THSD7B: variants seen among roughly 807,000 people sequenced by gnomAD.
THSD7B encodes thrombospondin type 1 domain containing 7B.
In THSD7B, 138 loss-of-function variants were observed where a neutral mutation model predicts 213.6. The ratio of observed to expected loss-of-function variants is 0.65; its 90% CI spans 0.56 to 0.74. The LOEUF (loss-of-function observed/expected upper bound fraction) is 0.74. Among genes scored for constraint, THSD7B ranks in the 30% least tolerant of loss-of-function variants. The pLI is 0.00. For synonymous variants in THSD7B, 742 were observed against 687.0 expected (o/e 1.08, Z -1.25); for missense variants, 1,931 against 1,991.5 (o/e 0.97, Z 0.58).
intron 15 of THSD7B, among the ~76,000 whole-genome samples, chr2:137,529,163 C>T (rs1289988607): frequency 6.6e-6 from 1 of 151,992 alleles, no homozygotes; most frequent in Non-Finnish European, 1.5e-5. Context: ...ATTTGCTTTA[C>T]GTGACTGTTA....
In THSD7B at chr2:137,620,674, G is replaced by T. The variant is rs766000157; in HGVS notation, c.3747G>T (p.Gln1249His). The part of the protein sequence containing the change: ...PCLVECVVNC[Q>H]LSGWTAWTEC... ...TGGTGGAATGCGTGGTCAACTGTCAGCTCTCAGGGTGGACGGCTTGGACAG... is the reference window on the plus strand; with the variant it reads ...TGGTGGAATGCGTGGTCAACTGTCATCTCTCAGGGTGGACGGCTTGGACAG... Residue 1249 changes from glutamine to histidine, a missense_variant, in exon 20 of 28, where the codon CAG becomes CAT. By Grantham distance (24) the Gln-to-His change is conservative. Coordinates refer to ENST00000409968, the MANE Select transcript of THSD7B (RefSeq NM_001316349.2). The T allele has an allele frequency of 5.6e-6, 9 of 1,613,856 alleles. No individual in the cohort carries two copies. Among genetic ancestry groups the T allele is most frequent in the Non-Finnish European group, 7.6e-6 (9 of 1,179,852 alleles).
At chr2:137,172,671 T>TTATAGGACC (rs1453200042) in intron 7 of THSD7B, among the ~76,000 whole-genome samples, 1 of 152,142 alleles carries the variant, frequency 6.6e-6, no homozygotes, top group East Asian at 1.9e-4. Context: ...TCCTAGGAAA[T>TTATAGGACC]TATAGGACCT....
chr2:137,362,032 C>G (rs1685274807), intron 12 of THSD7B, among the ~76,000 whole-genome samples: 1 of 152,300 alleles, frequency 6.6e-6, no homozygotes, highest in Admixed American at 6.5e-5. Flanking sequence ...AACAGGGGAT[C>G]TCTCGGTAGA....
chr2:136,937,166 T>A (rs1684749042), intron 2 of THSD7B, among the ~76,000 whole-genome samples: 1 of 152,004 alleles, frequency 6.6e-6, no homozygotes, highest in African/African-American at 2.4e-5. Flanking sequence ...TTCGATATCC[T>A]CCTTCAATTG....
intron 2 of THSD7B, among the ~76,000 whole-genome samples, chr2:137,008,627 T>G (rs189612601): frequency 3.3e-5 from 5 of 152,186 alleles, no homozygotes; most frequent in African/African-American, 1.2e-4. Flanking sequence ...TGTGTTTCTA[T>G]TCAATGTAAA....
At chr2:137,271,848 G>A (rs1682746234) in intron 10 of THSD7B, among the ~76,000 whole-genome samples, 1 of 152,026 alleles carries the variant, frequency 6.6e-6, no homozygotes, top group South Asian at 2.1e-4. Context: ...GATTCAGAAG[G>A]CATCTAAAGA....
In THSD7B at chr2:137,320,078, C is replaced by G. The variant is rs753970039; in HGVS notation, c.2500+44052C>G. On this transcript the variant is annotated intron_variant, in intron 12 of 27. Coordinates refer to ENST00000409968, the MANE Select transcript of THSD7B (RefSeq NM_001316349.2). Reference sequence around the variant, plus strand: ...CTTTGGAGCACTTATCATTAGATTTCTTTTATAAGAGAAAATAAAACTGCC... The same window carrying G: ...CTTTGGAGCACTTATCATTAGATTTGTTTTATAAGAGAAAATAAAACTGCC... Among the ~76,000 whole-genome samples, 4 of 152,094 alleles carry G rather than the reference C, an allele frequency of 2.6e-5. No homozygotes were observed. The South Asian group carries it at 8.3e-4, about 32-fold the overall frequency.
chr2:137,208,775 T>A (rs886402929), intron 7 of THSD7B, among the ~76,000 whole-genome samples: 6 of 152,068 alleles, frequency 3.9e-5, no homozygotes, highest in Non-Finnish European at 7.4e-5. Flanking sequence ...CAGAACTGGA[T>A]GAGTCATGAG....
At chr2:137,173,219 G>T (rs920365723) in intron 7 of THSD7B, among the ~76,000 whole-genome samples, 1 of 152,076 alleles carries the variant, frequency 6.6e-6, no homozygotes, top group Non-Finnish European at 1.5e-5. Flanking sequence ...ATTCTACCCG[G>T]TCCTGAAGAA....
At chr2:137,549,310 CTTTTTTTTTT>C (rs1027305359) in intron 15 of THSD7B, among the ~76,000 whole-genome samples, 12 of 25,234 alleles carry the variant, frequency 4.8e-4, no homozygotes, top group East Asian at 1.8e-3. Context: ...TTCAGATGCT[CTTTTTTTTTT>C]TTTTTTTTTT....
intron 5 of THSD7B, among the ~76,000 whole-genome samples, chr2:137,134,779 C>T (rs1558933553): frequency 6.6e-6 from 1 of 152,116 alleles, no homozygotes; most frequent in Non-Finnish European, 1.5e-5. Flanking sequence ...AATCCCTTTG[C>T]CTACTTTAGA....
chr2:137,034,711 G>C (rs1686740720), intron 2 of THSD7B, among the ~76,000 whole-genome samples: 1 of 152,030 alleles, frequency 6.6e-6, no homozygotes, highest in South Asian at 2.1e-4. Context: ...CCTGTGTTCA[G>C]TGTTAGCTGA....
chr2:137,395,151 T>C (rs1008749271), intron 12 of THSD7B, among the ~76,000 whole-genome samples: 10 of 144,644 alleles, frequency 6.9e-5, no homozygotes, highest in African/African-American at 2.6e-4. Context: ...GAATACCCTT[T>C]ATTTCCTTCT....
chr2:136,786,131 G>A (rs897312807), intron 1 of THSD7B, among the ~76,000 whole-genome samples: 7 of 151,106 alleles, frequency 4.6e-5, no homozygotes, highest in Admixed American at 2.0e-4. Flanking sequence ...CATATGCAGT[G>A]TAGACAATTA....
At chr2:136,942,057 C>CT (rs1184592887) in intron 2 of THSD7B, among the ~76,000 whole-genome samples, 14 of 152,324 alleles carry the variant, frequency 9.2e-5, no homozygotes, top group African/African-American at 3.1e-4. Context: ...TTTCAGCTTT[C>CT]TACATATAGC....
At chr2:137,647,259 G>A (rs1212798733) in intron 21 of THSD7B, among the ~76,000 whole-genome samples, 1 of 152,198 alleles carries the variant, frequency 6.6e-6, no homozygotes, top group East Asian at 1.9e-4. Context: ...CAGGGGAAGA[G>A]GGATAAGAAG....
chr2:136,834,240 G>A (rs1297462673), intron 1 of THSD7B, among the ~76,000 whole-genome samples: 4 of 152,220 alleles, frequency 2.6e-5, no homozygotes, highest in African/African-American at 9.6e-5. Flanking sequence ...TGGTGGTGAA[G>A]TGTTTTAAAT....
intron 2 of THSD7B, among the ~76,000 whole-genome samples, chr2:137,023,555 T>C (rs912604053): frequency 6.6e-6 from 1 of 152,214 alleles, no homozygotes; most frequent in Non-Finnish European, 1.5e-5. Flanking sequence ...TAAGGAGCTT[T>C]GAGCTAGCCT....
intron 2 of THSD7B, among the ~76,000 whole-genome samples, chr2:136,900,947 G>A (rs1358566180): frequency 6.6e-6 from 1 of 152,068 alleles, no homozygotes; most frequent in African/African-American, 2.4e-5. Flanking sequence ...TGCAGAAAGT[G>A]TCTCTTATAT....
Sources: gnomAD v4.1 joint callset for allele counts (sites outside exome capture counted in the v4.1 genomes callset) on GRCh38, gnomAD v4.1.1 for gene constraint, MANE v1.5 for transcripts, NCBI Gene and HGNC (gene_info 2026-07-23, HGNC 2026-07-21) for gene names.